The following ANKFN1 variants were observed in gnomAD, a reference collection of about 807,000 sequenced individuals.
ANKFN1 encodes the protein ankyrin repeat and fibronectin type-III domain-containing protein 1.
Under a neutral mutation model 108.7 loss-of-function variants are expected in ANKFN1, and 74 were observed. That is an observed-to-expected ratio of 0.68 (90% CI 0.56 to 0.83). The LOEUF is 0.83. Among genes scored for constraint, ANKFN1 ranks in the 40% least tolerant of loss-of-function variants. The probability of loss-of-function intolerance (pLI) is 0.00; values close to 1 mark genes in which losing one functional copy is unlikely to be tolerated. For missense variants in ANKFN1, 1,505 were observed against 1,382.3 expected (o/e 1.09, Z -1.41); for synonymous variants, 547 against 516.2 (o/e 1.06, Z -0.81).
At chr17:56,375,011 C>G (rs8081131) in intron 8 of ANKFN1, among the ~76,000 whole-genome samples, 1 of 151,940 alleles carries the variant, frequency 6.6e-6, no homozygotes, top group African/African-American at 2.4e-5. Context: ...TGGGGACAGG[C>G]CTGAGTAGGA....
chr17:56,128,560 C>T (rs970295590), intron 4 of ANKFN1, among the ~76,000 whole-genome samples: 3 of 152,196 alleles, frequency 2.0e-5, no homozygotes, highest in Non-Finnish European at 4.4e-5. Flanking sequence ...TCAGAAACAA[C>T]ATCTCTTTCC....
At chr17:56,180,792 C>T (rs1307331983) in intron 1 of ANKFN1, among the ~76,000 whole-genome samples, 1 of 152,124 alleles carries the variant, frequency 6.6e-6, no homozygotes, top group Non-Finnish European at 1.5e-5. Flanking sequence ...CTCAGAATGA[C>T]TTGATTATCT....
chr17:56,259,843 A>C (rs1256564050), intron 3 of ANKFN1, among the ~76,000 whole-genome samples: 1 of 151,650 alleles, frequency 6.6e-6, no homozygotes, highest in Non-Finnish European at 1.5e-5. Context: ...TTTCTTTTTC[A>C]GTCCCATTCT....
intron 3 of ANKFN1, among the ~76,000 whole-genome samples, chr17:56,322,532 C>A (rs913480974): frequency 1.3e-5 from 2 of 152,166 alleles, no homozygotes; most frequent in African/African-American, 4.8e-5. Context: ...CCCAATTTAG[C>A]TCCTGCTTAC....
chr17:56,231,197 C>G (rs1304669625), intron 3 of ANKFN1, among the ~76,000 whole-genome samples: 3 of 152,082 alleles, frequency 2.0e-5, no homozygotes, highest in African/African-American at 7.2e-5. Context: ...CAGTCTCTTT[C>G]ACTGGTTCCT....
intron 3 of ANKFN1, among the ~76,000 whole-genome samples, chr17:56,259,660 A>T (rs1164276410): frequency 6.6e-6 from 1 of 152,184 alleles, no homozygotes; most frequent in Non-Finnish European, 1.5e-5. Flanking sequence ...CGCATCACAG[A>T]GGATGGAGAA....
chr17:56,436,998 G>C (rs2048952152), intron 8 of ANKFN1, among the ~76,000 whole-genome samples: 4 of 152,170 alleles, frequency 2.6e-5, no homozygotes, highest in South Asian at 2.1e-4. Context: ...GAGGGAAAAA[G>C]ACTGTTGGTT....
At chr17:56,505,108 T>C (rs545715507) in intron 20 of ANKFN1, among the ~76,000 whole-genome samples, 4 of 152,324 alleles carry the variant, frequency 2.6e-5, no homozygotes, top group Non-Finnish European at 5.9e-5. Flanking sequence ...CAGGTTTCTC[T>C]AATTTTAAGA....
chr17:56,448,584 T>G (rs2049373118), intron 10 of ANKFN1, among the ~76,000 whole-genome samples: 1 of 152,336 alleles, frequency 6.6e-6, no homozygotes, highest in Non-Finnish European at 1.5e-5. Context: ...ACATGGGCTC[T>G]TTCCTTGGAA....
chr17:56,228,810 C>T (rs955136601), intron 3 of ANKFN1, among the ~76,000 whole-genome samples: 2 of 152,136 alleles, frequency 1.3e-5, no homozygotes, highest in Non-Finnish European at 2.9e-5. Flanking sequence ...CATGTACCCT[C>T]ATGGAGGATA....
At chr17:56,062,405 C>G (rs1002803504) in intron 4 of ANKFN1, among the ~76,000 whole-genome samples, 1 of 152,150 alleles carries the variant, frequency 6.6e-6, no homozygotes, top group Non-Finnish European at 1.5e-5. Context: ...TTTTATGACT[C>G]TGGGTGCTCC....
chr17:56,451,925 A>G (rs1278540945), intron 11 of ANKFN1, among the ~76,000 whole-genome samples: 1 of 152,162 alleles, frequency 6.6e-6, no homozygotes, highest in Non-Finnish European at 1.5e-5. Flanking sequence ...CTAAAATCCT[A>G]AATAGGAGGT....
At chr17:56,098,896 T>C (rs539334623) in intron 4 of ANKFN1, among the ~76,000 whole-genome samples, 3 of 150,406 alleles carry the variant, frequency 2.0e-5, no homozygotes, top group Admixed American at 6.6e-5. Context: ...GGGTGCTAGA[T>C]AAAAGGAAGA....
At chr17:56,228,707 A>G (rs1315218692) in intron 3 of ANKFN1, among the ~76,000 whole-genome samples, 2 of 152,128 alleles carry the variant, frequency 1.3e-5, no homozygotes, top group Non-Finnish European at 2.9e-5. Flanking sequence ...TAGCTTTAGT[A>G]TAAAGACCCT....
intron 8 of ANKFN1, among the ~76,000 whole-genome samples, chr17:56,419,686 T>C (rs1419155238): frequency 6.6e-6 from 1 of 151,338 alleles, no homozygotes; most frequent in East Asian, 1.9e-4. Flanking sequence ...CTGTAGTATC[T>C]ACTACTACAG....
At chr17:56,407,464 A>G (rs1297912931) in intron 8 of ANKFN1, among the ~76,000 whole-genome samples, 1 of 152,224 alleles carries the variant, frequency 6.6e-6, no homozygotes, top group Non-Finnish European at 1.5e-5. Flanking sequence ...ACAATTAGTA[A>G]GTGAAGAAAC....
At chr17:56,196,751 A>C (rs984432320) in intron 1 of ANKFN1, among the ~76,000 whole-genome samples, 10 of 152,262 alleles carry the variant, frequency 6.6e-5, no homozygotes, top group African/African-American at 1.9e-4. Flanking sequence ...AAAGAAAAAA[A>C]CAAAAAATCC....
At chr17:56,131,125 A>G (rs1224808208) in intron 4 of ANKFN1, among the ~76,000 whole-genome samples, 1 of 152,226 alleles carries the variant, frequency 6.6e-6, no homozygotes, top group Non-Finnish European at 1.5e-5. Flanking sequence ...GGAAACTGTC[A>G]GAAAATTCCA....
intron 3 of ANKFN1, among the ~76,000 whole-genome samples, chr17:56,235,357 A>G (rs942631945): frequency 4.6e-5 from 7 of 152,114 alleles, no homozygotes; most frequent in South Asian, 4.1e-4. Context: ...TTTACATTTG[A>G]TTAGATCCCA....
Sources: allele counts gnomAD v4.1 joint callset (sites outside exome capture counted in the v4.1 genomes callset), GRCh38; gene constraint gnomAD v4.1.1; transcripts MANE v1.5; gene names NCBI Gene and HGNC (gene_info 2026-07-23, HGNC 2026-07-21).